AKAP13: variants seen among roughly 807,000 people sequenced by gnomAD.
AKAP13 encodes A-kinase anchoring protein 13.
In AKAP13, 80 loss-of-function variants were observed where a neutral mutation model predicts 264.5. The ratio of observed to expected loss-of-function variants is 0.30; its 90% confidence interval spans 0.25 to 0.36. AKAP13 has a LOEUF of 0.36. Among genes scored for constraint, AKAP13 ranks in the 10% least tolerant of loss-of-function variants. The probability of loss-of-function intolerance (pLI) is 1.00; values close to 1 mark genes in which losing one functional copy is unlikely to be tolerated. For missense variants in AKAP13, 3,712 were observed against 3,435.2 expected, an observed-to-expected ratio of 1.08 and a Z score of -2.01; for synonymous variants, 1,380 against 1,250.2, an observed-to-expected ratio of 1.10 and a Z score of -2.19.
At chr15:85,632,527 T>G (rs2081884433) in intron 8 of AKAP13, among the ~76,000 whole-genome samples, 1 of 152,244 alleles carries the variant, frequency 6.6e-6, no homozygotes, top group Admixed American at 6.5e-5. Flanking sequence ...TCAGGGCTTT[T>G]GCTGATAAAA....
intron 5 of AKAP13, among the ~76,000 whole-genome samples, chr15:85,562,875 T>G (rs1377546200): frequency 6.8e-6 from 1 of 147,026 alleles, no homozygotes; most frequent in Non-Finnish European, 1.5e-5. Flanking sequence ...TTTTTTGTTT[T>G]TTTTTTTTTT....
At chr15:85,430,809 G>A (rs2072994733) in intron 1 of AKAP13, among the ~76,000 whole-genome samples, 1 of 152,160 alleles carries the variant, frequency 6.6e-6, no homozygotes, top group Non-Finnish European at 1.5e-5. Context: ...GAGTAGTGCT[G>A]TTGTTATCCA....
At position 85,575,329 on chromosome 15, in the gene AKAP13, G is replaced by A. The variant is rs755513189; in HGVS notation, c.861G>A (p.Met287Ile). 3.1e-6 allele frequency: 5 copies of A among 1,613,780 alleles called. No homozygotes were observed. The highest frequency in any genetic ancestry group is 4.2e-6 in the Non-Finnish European group (5 of 1,179,730). The part of the protein sequence containing the change: ...FKLMNIQQQL[M>I]KTNLKQMDSL... ...TTATGAACATCCAACAGCAACTAAT[G>A]GTAAGTCAGAAAGCTTTTATTTTTA... Residue 287 changes from methionine to isoleucine, a missense_variant and splice_region_variant, in exon 6 of 37, where the codon ATG becomes ATA. Coordinates refer to ENST00000394518, the MANE Select transcript of AKAP13 (RefSeq NM_007200.5).
intron 1 of AKAP13, among the ~76,000 whole-genome samples, chr15:85,389,515 G>A (rs1317630220): frequency 6.6e-6 from 1 of 152,198 alleles, no homozygotes; most frequent in Non-Finnish European, 1.5e-5. Flanking sequence ...GGATAAATCT[G>A]GATCCAGTTA....
At chr15:85,662,449 A>G in intron 12 of AKAP13, 4 of 1,614,126 alleles carry the variant, frequency 2.5e-6, no homozygotes, top group Non-Finnish European at 3.4e-6. Context: ...CTTTAATTAC[A>G]GAAGGTATGA....
rs371544945 is a variant in AKAP13 at position 85,573,574 on chromosome 15, T to TAA, written c.663-1556_663-1555insAA. ...ATAAATAAATAAATAAATAAATAAA[T>TAA]ATGATATGATATGGGATATTCAAAG... On this transcript the variant is annotated intron_variant, in intron 5 of 36. Coordinates refer to ENST00000394518, the MANE Select transcript of AKAP13 (RefSeq NM_007200.5). Among the ~76,000 whole-genome samples the TAA allele has an allele frequency of 6.8e-3, 1,032 of 151,502 alleles. 12 individuals are homozygous for TAA. Among genetic ancestry groups the TAA allele is most frequent in the African/African-American group, 0.023 (930 of 41,308 alleles).
At chr15:85,393,117 G>A (rs1189542332) in intron 1 of AKAP13, among the ~76,000 whole-genome samples, 1 of 152,164 alleles carries the variant, frequency 6.6e-6, no homozygotes, top group Non-Finnish European at 1.5e-5. Flanking sequence ...TTCTGGAGTG[G>A]GAGAAGGGAG....
chr15:85,608,437 G>A (rs932829962), intron 8 of AKAP13, among the ~76,000 whole-genome samples: 1 of 152,192 alleles, frequency 6.6e-6, no homozygotes, highest in African/African-American at 2.4e-5. Context: ...GCACTCTGGA[G>A]AAATTTAAGA....
At chr15:85,719,025 G>A (rs74025667) in intron 22 of AKAP13, 51 bp from the exon 23 acceptor site, 89,715 of 1,598,548 alleles carry the variant, frequency 0.056, 2,688 homozygotes, top group African/African-American at 0.11. Flanking sequence ...CTTTGAGGGC[G>A]AATGCTTATA....
At chr15:85,587,305 A>G (rs766999877) in intron 8 of AKAP13, among the ~76,000 whole-genome samples, 6 of 152,218 alleles carry the variant, frequency 3.9e-5, no homozygotes, top group Non-Finnish European at 8.8e-5. Context: ...GTATAACACA[A>G]TATGTGATCT....
At chr15:85,698,168 A>C (rs338557) in intron 17 of AKAP13, among the ~76,000 whole-genome samples, 124,399 of 152,054 alleles carry the variant, frequency 0.82, 50,991 homozygotes, top group South Asian at 0.87. Flanking sequence ...TAGGCTGATA[A>C]TAAAGAGAGA....
rs566579814 is a variant in AKAP13 at position 85,504,503 on chromosome 15, C to CAA, written c.34-16894_34-16893dup. On this transcript the variant is annotated intron_variant, in intron 2 of 36. Coordinates refer to ENST00000394518, the MANE Select transcript of AKAP13 (RefSeq NM_007200.5). ...GCGATGTGGTGAGACCCTGTCTTTACAAAAAAAAAAAAAAAAAAAAAAAAA... is the reference window on the plus strand; with the variant it reads ...GCGATGTGGTGAGACCCTGTCTTTACAAAAAAAAAAAAAAAAAAAAAAAAAAA... Among the ~76,000 whole-genome samples the CAA allele has an allele frequency of 3.1e-3, 284 of 91,010 alleles. 21 individuals carry two copies. The highest frequency in any genetic ancestry group is 0.012 in the African/African-American group (235 of 19,638). 59.7% of individuals were successfully genotyped at this position (91,010 alleles called of 152,430 possible). A position where few individuals can be genotyped will look rare whatever the true frequency, so the allele number is the denominator to read the frequency against.
At chr15:85,669,317 A>G (rs896159037) in intron 13 of AKAP13, among the ~76,000 whole-genome samples, 2 of 152,230 alleles carry the variant, frequency 1.3e-5, no homozygotes, top group Admixed American at 1.3e-4. Context: ...AAATATTTAG[A>G]TTTTCAAAGA....
At position 85,579,277 on chromosome 15, in the gene AKAP13, C is replaced by G; in HGVS notation, c.1209C>G (p.Ser403Arg). The G allele has an allele frequency of 6.2e-7, 1 of 1,614,226 alleles. No individual in the cohort carries two copies. Among genetic ancestry groups the G allele is most frequent in the Non-Finnish European group, 8.5e-7 (1 of 1,180,050 alleles). Residue 403 changes from serine (S) to arginine (R), a missense_variant, in exon 7 of 37, where the codon AGC becomes AGG. Physicochemically the swap from Ser to Arg is moderately radical, Grantham distance 110 (BLOSUM62 -1). Coordinates refer to ENST00000394518, the MANE Select transcript of AKAP13 (RefSeq NM_007200.5). ...TVSDQDSCLQ[S>R]LPDCGVKGTE... Reference sequence around the variant, plus strand: ...CTGATCAAGACAGCTGCCTTCAGAGCTTGCCTGATTGTGGAGTAAAGGGCA... The same window carrying G: ...CTGATCAAGACAGCTGCCTTCAGAGGTTGCCTGATTGTGGAGTAAAGGGCA...
intron 5 of AKAP13, among the ~76,000 whole-genome samples, chr15:85,573,405 G>A (rs901822176): frequency 5.3e-5 from 8 of 152,056 alleles, no homozygotes; most frequent in African/African-American, 1.7e-4. Flanking sequence ...AATTAGCTGG[G>A]CGTGGTGGGA....
chr15:85,685,466 GTGTGTGTGTGTGTGTGTGTGTGTC>G (rs1437020088), intron 16 of AKAP13: 52 of 144,408 alleles, frequency 3.6e-4, no homozygotes, highest in African/African-American at 1.4e-3. Context: ...TAAACCGTGT[GTGTGTGTGTGTGTGTGTGTGTGTC>G]TGTGTGTGTG....
At chr15:85,386,475 T>C (rs986502683) in intron 1 of AKAP13, among the ~76,000 whole-genome samples, 1 of 151,724 alleles carries the variant, frequency 6.6e-6, no homozygotes, top group African/African-American at 2.4e-5. Context: ...TTTTTACTAG[T>C]GATGGGGTTT....
intron 1 of AKAP13, among the ~76,000 whole-genome samples, chr15:85,436,079 A>G (rs374583936): frequency 2.4e-4 from 32 of 133,150 alleles, no homozygotes; most frequent in South Asian, 5.5e-4. Context: ...CCCATCTCAC[A>G]TGCAGAGACA....
chr15:85,458,389 T>C (rs2074364600), intron 1 of AKAP13, among the ~76,000 whole-genome samples: 1 of 126,168 alleles, frequency 7.9e-6, no homozygotes, highest in Non-Finnish European at 1.6e-5. Flanking sequence ...ATTTTTTGTT[T>C]TTTGTTTTTT....
Sources: allele counts gnomAD v4.1 joint callset (sites outside exome capture counted in the v4.1 genomes callset), GRCh38; gene constraint gnomAD v4.1.1; transcripts MANE v1.5; gene names NCBI Gene and HGNC (gene_info 2026-07-23, HGNC 2026-07-21).